AKAP6: variants seen among roughly 807,000 people sequenced by gnomAD.
The protein encoded by AKAP6 is A-kinase anchor protein 6.
A neutral mutation model predicts 188.5 loss-of-function variants in AKAP6; 58 were observed. The ratio of observed to expected loss-of-function variants is 0.31; its 90% CI spans 0.25 to 0.38. AKAP6 has a LOEUF of 0.38. Ranked by LOEUF, AKAP6 falls within the 10% of genes least tolerant of loss-of-function variation. The probability of loss-of-function intolerance (pLI) is 1.00; values close to 1 mark genes in which losing one functional copy is unlikely to be tolerated. For missense variants in AKAP6, 2,710 were observed against 2,740.0 expected, an observed-to-expected ratio of 0.99 and a Z score of 0.24; for synonymous variants, 989 against 998.6, an observed-to-expected ratio of 0.99 and a Z score of 0.18.
intron 2 of AKAP6, among the ~76,000 whole-genome samples, chr14:32,462,901 CAAAAAAAAA>C (rs71143943): frequency 5.7e-4 from 5 of 8,822 alleles, no homozygotes; most frequent in Non-Finnish European, 8.5e-4. Context: ...AAATGGAAAG[CAAAAAAAAA>C]AAAAAAAAAA....
chr14:32,812,120 G>C (rs2034252465), intron 12 of AKAP6, among the ~76,000 whole-genome samples: 2 of 152,134 alleles, frequency 1.3e-5, no homozygotes, highest in Non-Finnish European at 2.9e-5. Flanking sequence ...CAATCCCTGA[G>C]CAATGTCAGG....
At chr14:32,774,136 T>C in intron 12 of AKAP6, 1 of 521,678 alleles carries the variant, frequency 1.9e-6, no homozygotes, top group Non-Finnish European at 3.4e-6. Flanking sequence ...AAAATTCCTT[T>C]AGTGTACCTC....
chr14:32,414,957 G>A (rs1430232934), intron 1 of AKAP6, among the ~76,000 whole-genome samples: 1 of 152,134 alleles, frequency 6.6e-6, no homozygotes, highest in East Asian at 1.9e-4. Context: ...ATTACATTAT[G>A]TATTTTTAAC....
At chr14:32,774,053 A>C (rs2032981219) in intron 12 of AKAP6, 160 bp downstream of exon 12, 2 of 689,904 alleles carry the variant, frequency 2.9e-6, no homozygotes, top group Non-Finnish European at 5.0e-6. Flanking sequence ...TAAAGCTCAT[A>C]GTTTTACTAC....
intron 4 of AKAP6, among the ~76,000 whole-genome samples, chr14:32,558,283 C>A (rs970774956): frequency 2.0e-5 from 3 of 151,506 alleles, no homozygotes; most frequent in African/African-American, 7.4e-5. Flanking sequence ...GATGCACAAT[C>A]TAAAATTTTG....
At chr14:32,561,210 G>T (rs1266782508) in intron 4 of AKAP6, among the ~76,000 whole-genome samples, 1 of 152,084 alleles carries the variant, frequency 6.6e-6, no homozygotes, top group East Asian at 1.9e-4. Context: ...AAGAGCAAAG[G>T]GGTCATTGTA....
chr14:32,786,296 A>ATTTTTTTTTTTTTTTTT, intron 12 of AKAP6, among the ~76,000 whole-genome samples: 2 of 93,704 alleles, frequency 2.1e-5, no homozygotes, highest in African/African-American at 4.1e-5. Context: ...CTAAACCTTT[A>ATTTTTTTTTTTTTTTTT]TCTTTTTTTT....
At chr14:32,411,746 T>G (rs921357305) in intron 1 of AKAP6, among the ~76,000 whole-genome samples, 2 of 152,120 alleles carry the variant, frequency 1.3e-5, no homozygotes, top group African/African-American at 4.8e-5. Context: ...TCTTGCCCAT[T>G]TATTTTCTGG....
chr14:32,807,019 A>G (rs918782051), intron 12 of AKAP6, among the ~76,000 whole-genome samples: 1 of 151,736 alleles, frequency 6.6e-6, no homozygotes, highest in African/African-American at 2.4e-5. Context: ...GCCCCACTGC[A>G]CTCCAGCCTG....
At chr14:32,482,917 A>ATCTATATG (rs1433659803) in intron 2 of AKAP6, among the ~76,000 whole-genome samples, 1 of 151,940 alleles carries the variant, frequency 6.6e-6, no homozygotes, top group Non-Finnish European at 1.5e-5. Context: ...ATGTGACTAT[A>ATCTATATG]TCTGTGAGAA....
At chr14:32,342,508 C>T (rs1253244485) in intron 1 of AKAP6, among the ~76,000 whole-genome samples, 1 of 152,204 alleles carries the variant, frequency 6.6e-6, no homozygotes, top group Non-Finnish European at 1.5e-5. Flanking sequence ...AGGTCATGCT[C>T]TTCTACTTCC....
At position 32,824,390 on chromosome 14, in the gene AKAP6, G is replaced by A. The variant is rs773255771; in HGVS notation, c.6577G>A (p.Ala2193Thr). ...SEAAMPLQAT[A>T]CSSEFSDSSL... ...AGCTGCAATGCCACTACAAGCAACA[G>A]CATGTTCTTCTGAGTTCAGTGATAG... Residue 2193 changes from alanine to threonine, a missense_variant, in exon 13 of 14, where the codon GCA (alanine) becomes ACA (threonine). Ala to Thr is a moderately conservative substitution (Grantham distance 58). Transcript: ENST00000280979. 4 of 1,613,824 alleles carry A rather than the reference G, an allele frequency of 2.5e-6. No individual in the cohort carries two copies. The highest frequency in any genetic ancestry group is 3.3e-5 in the Admixed American group (2 of 59,890).
chr14:32,474,111 T>G (rs1042299645), intron 2 of AKAP6: 3 of 152,232 alleles, frequency 2.0e-5, no homozygotes, highest in African/African-American at 7.2e-5. Context: ...TTGGCCAGGC[T>G]GGTCTCAAAC....
At chr14:32,419,899 C>T (rs1015331737) in intron 1 of AKAP6, among the ~76,000 whole-genome samples, 1 of 141,838 alleles carries the variant, frequency 7.1e-6, no homozygotes, top group African/African-American at 2.7e-5. Flanking sequence ...AAAACAAAAA[C>T]AAAAACAAAA....
rs146835265 is a variant in AKAP6, at chr14:32,796,476, T to G, written c.3588+22583T>G. 1.2e-3 allele frequency among the ~76,000 whole-genome samples: 186 copies of G among 152,202 alleles called. 4 individuals are homozygous for G. Among genetic ancestry groups the G allele is most frequent in the East Asian group, 0.01 (54 of 5,172 alleles). On this transcript the variant is annotated intron_variant, in intron 12 of 13. Coordinates refer to ENST00000280979, the MANE Select transcript of AKAP6 (RefSeq NM_004274.5). The stretch of plus-strand genomic sequence containing the variant: ...AGAATAGAGAACTCAGGATTAAGAC[T>G]TCACACCTACAACCATCTGATCTTG...
At chr14:32,698,480 T>C (rs1890493776) in intron 9 of AKAP6, among the ~76,000 whole-genome samples, 1 of 152,166 alleles carries the variant, frequency 6.6e-6, no homozygotes, top group Non-Finnish European at 1.5e-5. Flanking sequence ...CCCCAAAAGA[T>C]ACCAGTGCTT....
rs117525644 is a variant in AKAP6, at chr14:32,423,526, C to A, written c.-34-9934C>A. 9.5e-3 allele frequency among the ~76,000 whole-genome samples: 1,440 copies of A among 152,180 alleles called. 10 individuals are homozygous for A. Among genetic ancestry groups the A allele is most frequent in the Middle Eastern group, 0.014 (4 of 294 alleles). On this transcript the variant is annotated intron_variant, in intron 1 of 13. Transcript: ENST00000280979. ...TTTTTTGTAGAATACTTATTAACAC[C>A]TGGTAAATGCTAAATTAGCAAATAC...
At chr14:32,757,951 C>T (rs1386495387) in intron 11 of AKAP6, among the ~76,000 whole-genome samples, 4 of 152,016 alleles carry the variant, frequency 2.6e-5, no homozygotes, top group Non-Finnish European at 1.5e-5. Context: ...TGGAGATAAG[C>T]GATGGAAGAA....
intron 7 of AKAP6, among the ~76,000 whole-genome samples, chr14:32,628,266 G>T (rs1887108182): frequency 6.6e-6 from 1 of 152,094 alleles, no homozygotes; most frequent in South Asian, 2.1e-4. Flanking sequence ...ATTAAGAATA[G>T]AAGTTTAACT....
Sources: gnomAD v4.1 joint callset for allele counts (sites outside exome capture counted in the v4.1 genomes callset) on GRCh38, gnomAD v4.1.1 for gene constraint, MANE v1.5 for transcripts, NCBI Gene and HGNC (gene_info 2026-07-23, HGNC 2026-07-21) for gene names.